Variants in PASD1 observed in about 807,000 individuals in gnomAD.
The protein encoded by PASD1 is circadian clock protein PASD1.
A neutral mutation model predicts 58.8 loss-of-function variants in PASD1; 13 were observed. The ratio of observed to expected loss-of-function variants is 0.22; its 90% CI spans 0.14 to 0.35. PASD1 has a LOEUF of 0.35. Among genes scored for constraint, PASD1 ranks in the 10% least tolerant of loss-of-function variants. The probability of loss-of-function intolerance (pLI) is 1.00; values close to 1 mark genes in which losing one functional copy is unlikely to be tolerated. For missense variants in PASD1, 734 were observed against 568.3 expected, an observed-to-expected ratio of 1.29 and a Z score of -2.96; for synonymous variants, 236 against 216.7, an observed-to-expected ratio of 1.09 and a Z score of -0.78.
rs777964861 is a variant in PASD1, at chrX:151,621,009, A to G, written c.287A>G (p.Lys96Arg). 4.2e-6 allele frequency: 5 copies of G among 1,196,262 alleles called. No individual in the cohort carries two copies. Among genetic ancestry groups the G allele is most frequent in the Non-Finnish European group, 5.7e-6 (5 of 883,825 alleles). ...KDEVYQKIIL[K>R]FPLLNSETHI... ...GAAGTCTACCAAAAGATTATTCTCA[A>G]ATTTCCTTTACTAAACTCAGGTATG... Residue 96 changes from lysine (K) to arginine (R), a missense_variant, in exon 5 of 16, where the codon AAA (lysine) becomes AGA (arginine). Coordinates refer to ENST00000370357, the MANE Select transcript of PASD1 (RefSeq NM_173493.3).
Position 151,671,656 on chromosome X carries a change from C to T in PASD1, c.1314C>T (p.His438=), listed in dbSNP as rs140838252. The change falls in exon 13 of 16, where the codon CAC becomes CAT. Residue 438 remains histidine (H), a synonymous_variant. Coordinates refer to ENST00000370357, the MANE Select transcript of PASD1 (RefSeq NM_173493.3). Reference sequence around the variant, plus strand: ...TGCCCAAGAAACAACAGAAACAACACGCTGGGCAAGTGAAGCGGCCTCTCC... The same window carrying T: ...TGCCCAAGAAACAACAGAAACAACATGCTGGGCAAGTGAAGCGGCCTCTCC... ...EAVPKKQQKQ[H]AGQVKRPLPH... The T allele has an allele frequency of 1.4e-5, 17 of 1,209,700 alleles. No individual in the cohort carries two copies. The highest frequency in any genetic ancestry group is 8.7e-5 in the African/African-American group (5 of 57,362).
In PASD1 at chrX:151,676,042, G is replaced by A. The variant is rs777443402; in HGVS notation, c.2221G>A (p.Ala741Thr). 4.1e-6 allele frequency: 5 copies of A among 1,209,660 alleles called. No homozygotes were observed. The Admixed American group carries it at 6.5e-5, about 16-fold the overall frequency. ...VGVEGPPDPQ[A>T]FQGPAAYQPD... The stretch of plus-strand genomic sequence containing the variant: ...AGTCGAGGGACCTCCTGATCCACAG[G>A]CTTTCCAAGGCCCTGCTGCATACCA... Residue 741 changes from alanine to threonine, a missense_variant, in exon 16 of 16, where the codon GCT (alanine) becomes ACT (threonine). Ala to Thr is a moderately conservative substitution (Grantham distance 58). Transcript: ENST00000370357.
chrX:151,606,012 A>G (rs1305751534), intron 3 of PASD1, among the ~76,000 whole-genome samples: 1 of 112,520 alleles, frequency 8.9e-6, no homozygotes, highest in Non-Finnish European at 1.9e-5. Context: ...CTTATTTGAA[A>G]TATTTTAGAA....
At chrX:151,586,412 A>G (rs1602910960) in intron 1 of PASD1, among the ~76,000 whole-genome samples, 1 of 111,846 alleles carries the variant, frequency 8.9e-6, no homozygotes, top group East Asian at 2.8e-4. Flanking sequence ...GCAAATGTTT[A>G]CAGACTGATT....
At chrX:151,653,868 C>CTCCCTCCCTCTT (rs1556202852) in intron 9 of PASD1, among the ~76,000 whole-genome samples, 1 of 16,465 alleles carries the variant, frequency 6.1e-5, no homozygotes, top group African/African-American at 2.2e-4. Flanking sequence ...CCCTCCCTCC[C>CTCCCTCCCTCTT]TCTTTCTTTC....
At chrX:151,639,843 A>G (rs2013976970) in intron 8 of PASD1, among the ~76,000 whole-genome samples, 1 of 112,104 alleles carries the variant, frequency 8.9e-6, no homozygotes, top group Non-Finnish European at 1.9e-5. Context: ...GTGTTTAGCT[A>G]TGGGTCCATC....
rs143087714 is a variant in PASD1 at position 151,672,517 on chromosome X, G to A, written c.1772G>A (p.Arg591His). 21 of 1,210,128 alleles carry A rather than the reference G, an allele frequency of 1.7e-5. No homozygotes were observed. In the African/African-American group the frequency reaches 2.8e-4, roughly 16 times the overall value. ...GTGCAGATATGCCTGCAAAACCCAC[G>A]TGACGTATCTGTGCCCCTCTGCAAT... The part of the protein sequence containing the change: ...ERVQICLQNP[R>H]DVSVPLCNHP... Residue 591 changes from arginine (R) to histidine (H), a missense_variant, in exon 14 of 16, where the codon CGT (arginine) becomes CAT (histidine). By Grantham distance (29) the Arg-to-His change is conservative. Transcript: ENST00000370357.
intron 2 of PASD1, among the ~76,000 whole-genome samples, chrX:151,601,962 T>G (rs2013422202): frequency 8.9e-6 from 1 of 112,442 alleles, no homozygotes. Context: ...AACTTACTTT[T>G]CCAGATCAAA....
intron 1 of PASD1, among the ~76,000 whole-genome samples, chrX:151,565,558 C>CTTT (rs745371329): frequency 5.9e-5 from 5 of 84,127 alleles, no homozygotes; most frequent in African/African-American, 1.9e-4. Flanking sequence ...TTTTTCCTTA[C>CTTT]TTTTTTTTTT....
intron 1 of PASD1, among the ~76,000 whole-genome samples, chrX:151,577,860 G>A (rs2013033344): frequency 9.0e-6 from 1 of 111,678 alleles, no homozygotes; most frequent in Admixed American, 9.5e-5. Flanking sequence ...TGTTTCCCAG[G>A]TATTTGGGCA....
At chrX:151,653,874 CTTTCTTTCTTTCTTTCT>C (rs2014195579) in intron 9 of PASD1, among the ~76,000 whole-genome samples, 3 of 19,118 alleles carry the variant, frequency 1.6e-4, no homozygotes, top group African/African-American at 5.2e-4. Flanking sequence ...CTCCCTCTTT[CTTTCTTTCTTTCTTTCT>C]TTCTTTCTTT....
intron 8 of PASD1, among the ~76,000 whole-genome samples, chrX:151,631,518 A>C (rs2013866448): frequency 8.9e-6 from 1 of 112,254 alleles, no homozygotes; most frequent in Non-Finnish European, 1.9e-5. Flanking sequence ...AATACTTTTT[A>C]CAAAGATGGC....
chrX:151,588,383 A>C (rs1035413138), intron 1 of PASD1, among the ~76,000 whole-genome samples: 1 of 112,574 alleles, frequency 8.9e-6, no homozygotes, highest in Non-Finnish European at 1.9e-5. Context: ...AAGATGTAGT[A>C]GTCTCTGCAT....
At chrX:151,659,496 A>C (rs1213416048) in intron 9 of PASD1, among the ~76,000 whole-genome samples, 1 of 112,167 alleles carries the variant, frequency 8.9e-6, no homozygotes, top group African/African-American at 3.2e-5. Flanking sequence ...TCAGTTTGTC[A>C]GTGTATACCT....
Position 151,664,111 on chromosome X carries a change from T to C in PASD1, c.842-8T>C, listed in dbSNP as rs1159654968. ...AAGTCATGAACTCCCCTGTGCTTTC[T>C]TCCTCAGCCTTATCCTTGCAAGACT... On this transcript the variant is annotated splice_polypyrimidine_tract_variant and splice_region_variant and intron_variant, in intron 10 of 15. Coordinates refer to ENST00000370357, the MANE Select transcript of PASD1 (RefSeq NM_173493.3). 6 of 1,211,749 alleles carry C rather than the reference T, an allele frequency of 5.0e-6. No homozygotes were observed. Among genetic ancestry groups the C allele is most frequent in the Admixed American group, 2.2e-5 (1 of 46,051 alleles).
chrX:151,613,972 G>A (rs933265532), intron 4 of PASD1, among the ~76,000 whole-genome samples: 1 of 110,078 alleles, frequency 9.1e-6, no homozygotes. Context: ...TCATATAGTA[G>A]AAGAAGCGAG....
At chrX:151,589,895 T>C (rs1337592781) in intron 1 of PASD1, among the ~76,000 whole-genome samples, 3 of 112,895 alleles carry the variant, frequency 2.7e-5, no homozygotes, top group Non-Finnish European at 5.6e-5. Flanking sequence ...TTCTACACAA[T>C]ATTGCATTTG....
chrX:151,593,114 T>C (rs1287529002), intron 1 of PASD1, among the ~76,000 whole-genome samples: 1 of 111,482 alleles, frequency 9.0e-6, no homozygotes, highest in Non-Finnish European at 1.9e-5. Context: ...CCTAGTGATA[T>C]ATTTATCCTA....
chrX:151,627,479 G>C (rs2013804208), intron 8 of PASD1, among the ~76,000 whole-genome samples: 1 of 110,426 alleles, frequency 9.1e-6, no homozygotes, highest in South Asian at 3.9e-4. Context: ...CCTTGCCATA[G>C]TTTGCTGAGA....
Sources: gnomAD v4.1 joint callset for allele counts (sites outside exome capture counted in the v4.1 genomes callset) on GRCh38, gnomAD v4.1.1 for gene constraint, MANE v1.5 for transcripts, NCBI Gene and HGNC (gene_info 2026-07-23, HGNC 2026-07-21) for gene names.